Variants in FMNL2 observed in about 807,000 individuals in gnomAD.
The protein encoded by FMNL2 is formin like 2, also known as formin-like protein 2.
A neutral mutation model predicts 130.2 loss-of-function variants in FMNL2; 51 were observed. That is an observed-to-expected ratio of 0.39 (90% CI 0.31 to 0.49). FMNL2 has a LOEUF of 0.49. FMNL2 is among the 20% of genes least tolerant of loss of function. FMNL2 has a pLI of 0.85. For missense variants in FMNL2, 977 were observed against 1,316.2 expected (o/e 0.74, Z 3.99); for synonymous variants, 465 against 467.1 (o/e 1.00, Z 0.06).
intron 1 of FMNL2, among the ~76,000 whole-genome samples, chr2:152,363,969 T>A (rs920148132): frequency 6.6e-6 from 1 of 152,186 alleles, no homozygotes; most frequent in Non-Finnish European, 1.5e-5. Flanking sequence ...TAATTTGATT[T>A]TTTTGTTGTT....
intron 1 of FMNL2, among the ~76,000 whole-genome samples, chr2:152,399,689 G>A (rs1214132939): frequency 6.6e-6 from 1 of 152,162 alleles, no homozygotes; most frequent in African/African-American, 2.4e-5. Flanking sequence ...CTTTAGGGAG[G>A]GAACTTGTAT....
chr2:152,450,699 C>T (rs1406233659), intron 1 of FMNL2, among the ~76,000 whole-genome samples: 1 of 152,160 alleles, frequency 6.6e-6, no homozygotes, highest in Non-Finnish European at 1.5e-5. Context: ...TTAAGTCAGC[C>T]CCATGTGGCA....
intron 1 of FMNL2, among the ~76,000 whole-genome samples, chr2:152,350,226 G>C (rs1425215127): frequency 6.6e-6 from 1 of 152,126 alleles, no homozygotes; most frequent in Non-Finnish European, 1.5e-5. Flanking sequence ...TTCTCCGTTT[G>C]CTGGTTCAGG....
intron 1 of FMNL2, among the ~76,000 whole-genome samples, chr2:152,351,561 A>G (rs1682487119): frequency 1.3e-5 from 2 of 152,154 alleles, no homozygotes; most frequent in African/African-American, 4.8e-5. Context: ...ATAGTATTCC[A>G]TGGTGTATAT....
intron 25 of FMNL2, chr2:152,643,429 T>C (rs1428646518): frequency 2.0e-6 from 3 of 1,536,186 alleles, no homozygotes; most frequent in Non-Finnish European, 2.6e-6. Flanking sequence ...TGCTGAAGAC[T>C]GTGCCCTTTA....
intron 1 of FMNL2, among the ~76,000 whole-genome samples, chr2:152,455,630 C>T (rs1688904307): frequency 2.0e-5 from 3 of 152,206 alleles, no homozygotes. Flanking sequence ...TCATGGGACT[C>T]ATAATGGATG....
At chr2:152,431,563 A>C (rs1687491531) in intron 1 of FMNL2, among the ~76,000 whole-genome samples, 1 of 152,216 alleles carries the variant, frequency 6.6e-6, no homozygotes, top group Non-Finnish European at 1.5e-5. Flanking sequence ...AGTCACTAAA[A>C]CATCAAATAT....
In FMNL2 at chr2:152,626,720, A is replaced by T; in HGVS notation, c.2158A>T (p.Ile720Phe). Residue 720 changes from isoleucine to phenylalanine, a missense_variant, in exon 17 of 26, where the codon ATT (isoleucine) becomes TTT (phenylalanine). Ile to Phe is a conservative substitution (Grantham distance 21). Transcript: ENST00000288670. ...GACTGCTGATGAAATATGTAAAGCT[A>T]TTCATGTGTAAGTTCAGGAAAATTA... The part of the protein sequence containing the change: ...GKTADEICKA[I>F]HVFDLKTLPV... 1 of 1,607,320 alleles carries T rather than the reference A, an allele frequency of 6.2e-7. No individual in the cohort carries two copies. The highest frequency in any genetic ancestry group is 8.5e-7 in the Non-Finnish European group (1 of 1,176,900).
chr2:152,457,472 T>G (rs1689018179), intron 1 of FMNL2, among the ~76,000 whole-genome samples: 1 of 152,182 alleles, frequency 6.6e-6, no homozygotes, highest in Non-Finnish European at 1.5e-5. Context: ...CTATCCCTTC[T>G]TCACACCTGT....
At chr2:152,640,751 G>A (rs1683013127) in intron 24 of FMNL2, 40 bp from the exon 25 acceptor site, 2 of 1,599,684 alleles carry the variant, frequency 1.3e-6, no homozygotes, top group Admixed American at 3.6e-5. Flanking sequence ...ACTCCTAATG[G>A]GTGCTGGCCT....
chr2:152,437,668 T>C (rs964365971), intron 1 of FMNL2, among the ~76,000 whole-genome samples: 24 of 152,194 alleles, frequency 1.6e-4, no homozygotes, highest in African/African-American at 5.8e-4. Flanking sequence ...TGTGTGAAAC[T>C]GAGAGCAACC....
chr2:152,509,450 A>G (rs112112131), intron 1 of FMNL2, among the ~76,000 whole-genome samples: 2 of 151,712 alleles, frequency 1.3e-5, no homozygotes, highest in African/African-American at 4.8e-5. Flanking sequence ...GTATCTGTCC[A>G]TGTTCTGAGT....
rs529033364 is a variant in FMNL2 at position 152,404,216 on chromosome 2, G to T, written c.117+68496G>T. Among the ~76,000 whole-genome samples the T allele has an allele frequency of 2.6e-5, 4 of 152,234 alleles. No individual in the cohort carries two copies. The South Asian group carries it at 8.3e-4, about 32-fold the overall frequency. ...GAACATGTTTATTGAATGAATTAATGCATCTTCAATGAATGTAACTGTTAC... is the reference window on the plus strand; with the variant it reads ...GAACATGTTTATTGAATGAATTAATTCATCTTCAATGAATGTAACTGTTAC... On this transcript the variant is annotated intron_variant, in intron 1 of 25. Coordinates refer to ENST00000288670, the MANE Select transcript of FMNL2 (RefSeq NM_052905.4).
chr2:152,615,535 GTCC>G (rs2105882035), intron 12 of FMNL2, among the ~76,000 whole-genome samples: 1 of 152,286 alleles, frequency 6.6e-6, no homozygotes, highest in African/African-American at 2.4e-5. Context: ...TTTGAAGAAT[GTCC>G]TCAGTATCGT....
chr2:152,566,340 G>A (rs899062342), intron 6 of FMNL2, among the ~76,000 whole-genome samples: 5 of 152,176 alleles, frequency 3.3e-5, no homozygotes, highest in African/African-American at 1.2e-4. Flanking sequence ...AATGTCTGTT[G>A]TGTGGCAGCC....
In FMNL2 at chr2:152,420,003, A is replaced by G. The variant is rs538359329; in HGVS notation, c.117+84283A>G. 2.0e-5 allele frequency among the ~76,000 whole-genome samples: 3 copies of G among 152,290 alleles called. No individual in the cohort carries two copies. In the East Asian group the frequency reaches 5.8e-4, roughly 29 times the overall value. Reference sequence around the variant, plus strand: ...AGAGGTTTTTAAGTAGTTTGGAAAAACTTGGAAAGGGATAGGGAAAGCTTG... The same window carrying G: ...AGAGGTTTTTAAGTAGTTTGGAAAAGCTTGGAAAGGGATAGGGAAAGCTTG... On this transcript the variant is annotated intron_variant, in intron 1 of 25. Coordinates refer to ENST00000288670, the MANE Select transcript of FMNL2 (RefSeq NM_052905.4).
chr2:152,516,398 C>G (rs111465635), intron 1 of FMNL2, among the ~76,000 whole-genome samples: 75 of 152,216 alleles, frequency 4.9e-4, no homozygotes, highest in African/African-American at 1.7e-3. Flanking sequence ...AAAAGATTGT[C>G]TAAGCCATTT....
At chr2:152,536,008 CT>C (rs770331067) in intron 2 of FMNL2, among the ~76,000 whole-genome samples, 5 of 152,186 alleles carry the variant, frequency 3.3e-5, no homozygotes, top group Non-Finnish European at 7.4e-5. Flanking sequence ...TCTCTCAGTT[CT>C]TTGGGAATCC....
chr2:152,466,592 T>A (rs922624422), intron 1 of FMNL2, among the ~76,000 whole-genome samples: 1 of 152,212 alleles, frequency 6.6e-6, no homozygotes, highest in African/African-American at 2.4e-5. Context: ...AGAGTTGAGC[T>A]GAAGTCATCT....
Sources: gnomAD v4.1 joint callset for allele counts (sites outside exome capture counted in the v4.1 genomes callset) on GRCh38, gnomAD v4.1.1 for gene constraint, MANE v1.5 for transcripts, NCBI Gene and HGNC (gene_info 2026-07-23, HGNC 2026-07-21) for gene names.